Variants in TTN observed in about 807,000 individuals in gnomAD.
TTN encodes connectin.
A neutral mutation model predicts 3,223.0 loss-of-function variants in TTN; 1,525 were observed. The ratio of observed to expected loss-of-function variants is 0.47; its 90% CI spans 0.45 to 0.49. The LOEUF is 0.49. Among genes scored for constraint, TTN ranks in the 20% least tolerant of loss-of-function variants. TTN has a pLI of 0.00. For missense variants in TTN, 40,786 were observed against 43,424.0 expected (o/e 0.94, Z 5.40); for synonymous variants, 14,094 against 15,161.0 (o/e 0.93, Z 5.17).
At position 178,607,632 on chromosome 2, in the gene TTN, C is replaced by A. The variant is rs1576364760; in HGVS notation, c.53056G>T (p.Ala17686Ser). 3 of 1,613,070 alleles carry A rather than the reference C, an allele frequency of 1.9e-6. No individual in the cohort carries two copies. The highest frequency in any genetic ancestry group is 2.2e-5 in the East Asian group (1 of 44,748). Residue 17686 changes from alanine to serine, a missense_variant, in exon 277 of 363, where the codon GCT (alanine) becomes TCT (serine). By Grantham distance (99) the Ala-to-Ser change is moderately conservative. Coordinates refer to ENST00000589042, the MANE Select transcript of TTN (RefSeq NM_001267550.2). The stretch of plus-strand genomic sequence containing the variant: ...GCTGGAATTCTAAGAGTCTTCCCAG[C>A]CATTATTTGTATTCCACCCTTGACA... ...VSVKGGIQIMAGKTLRIPAVV... is the reference protein window; with the variant it reads ...VSVKGGIQIMSGKTLRIPAVV...
chr2:178,646,104 T>TTTTTTA (rs1188641505), intron 216 of TTN, 74 bp from the exon 217 acceptor site: 1 of 37,646 alleles, frequency 2.7e-5, no homozygotes, highest in African/African-American at 8.7e-5. Flanking sequence ...TTAATAGAAA[T>TTTTTTA]TATATATATA....
At chr2:178,805,301 G>A (rs1156660403) in intron 1 of TTN, among the ~76,000 whole-genome samples, 1 of 139,796 alleles carries the variant, frequency 7.2e-6, no homozygotes, top group Non-Finnish European at 1.5e-5. Context: ...CAAAGATGGT[G>A]CCACCACACT....
Position 178,557,033 on chromosome 2 carries a change from C to T in TTN, c.88121G>A (p.Arg29374Lys), listed in dbSNP as rs878969198. 3.7e-6 allele frequency: 6 copies of T among 1,613,694 alleles called. No individual in the cohort carries two copies. Among genetic ancestry groups the T allele is most frequent in the Non-Finnish European group, 5.1e-6 (6 of 1,179,842 alleles). The stretch of plus-strand genomic sequence containing the variant: ...CCATCTGCCATCTGGAAGGTCACGT[C>T]TCTCAACAATGTAGCCTGTAATCTT... Reference protein sequence around the residue: ...GSKITGYIVERRDLPDGRWTK... With the variant: ...GSKITGYIVEKRDLPDGRWTK... The change falls in exon 330 of 363, where the codon AGA (arginine) becomes AAA (lysine). Residue 29374 changes from arginine to lysine, a missense_variant. Physicochemically the swap from Arg to Lys is conservative, Grantham distance 26. Coordinates refer to ENST00000589042, the MANE Select transcript of TTN (RefSeq NM_001267550.2).
In TTN at chr2:178,564,257, G is replaced by C; in HGVS notation, c.81875C>G (p.Thr27292Ser). 1.9e-6 allele frequency: 3 copies of C among 1,613,238 alleles called. No homozygotes were observed. The highest frequency in any genetic ancestry group is 3.3e-4 in the Middle Eastern group (2 of 6,062). The change falls in exon 326 of 363, where the codon ACT becomes AGT. Residue 27292 changes from threonine (T) to serine (S), a missense_variant. Physicochemically the swap from Thr to Ser is moderately conservative, Grantham distance 58 (BLOSUM62 1). Coordinates refer to ENST00000589042, the MANE Select transcript of TTN (RefSeq NM_001267550.2). ...KDVIVVHAGE[T>S]FVLEADIRGK... The stretch of plus-strand genomic sequence containing the variant: ...ACGGATGTCGGCTTCAAGAACAAAA[G>C]TCTCTCCTGCATGAACAACGATGAC...
Position 178,634,054 on chromosome 2 carries a change from C to G in TTN, c.42445G>C (p.Glu14149Gln). The G allele has an allele frequency of 6.2e-7, 1 of 1,612,998 alleles. No homozygotes were observed. Among genetic ancestry groups the G allele is most frequent in the Non-Finnish European group, 8.5e-7 (1 of 1,179,414 alleles). Residue 14149 changes from glutamate (E) to glutamine (Q), a missense_variant, in exon 231 of 363, where the codon GAA (glutamate) becomes CAA (glutamine). Physicochemically the swap from Glu to Gln is conservative, Grantham distance 29 (BLOSUM62 2). Coordinates refer to ENST00000589042, the MANE Select transcript of TTN (RefSeq NM_001267550.2). The surrounding 1 kb of genome is among the most constrained non-coding windows in gnomAD (Gnocchi z 4.6). The part of the protein sequence containing the change: ...GIRLKFMSPL[E>Q]DQTVKEGETA... ...TCACCTTCTTTTACTGTTTGATCTT[C>G]AAGAGGTGACATGAATTTCAGTCTT... is the stretch of plus-strand genomic sequence containing the variant.
chr2:178,664,486 T>G lies in TTN; in HGVS notation c.36254A>C (p.Gln12085Pro). The change falls in exon 168 of 363, where the codon CAA becomes CCA. Residue 12085 changes from glutamine to proline, a missense_variant. Coordinates refer to ENST00000589042, the MANE Select transcript of TTN (RefSeq NM_001267550.2). ...TTTGACAGGTACAACTTCAGCCCTT[T>G]GGGGAGGATGCACTTTCTTTTCCGG... ...VVPEKKVHPPQRAEVVPVKVH... is the reference protein window; with the variant it reads ...VVPEKKVHPPPRAEVVPVKVH... The G allele has an allele frequency of 6.2e-7, 1 of 1,612,308 alleles. No homozygotes were observed. Among genetic ancestry groups the G allele is most frequent in the South Asian group, 1.1e-5 (1 of 91,040 alleles).
Position 178,609,953 on chromosome 2 carries a change from T to C in TTN, c.51470A>G (p.His17157Arg). ...PPDPPVDVEVHNPTAEAMTIT... is the reference protein window; with the variant it reads ...PPDPPVDVEVRNPTAEAMTIT... ...AGTCATTGCCTCCGCTGTAGGATTATGAACCTCTACATCTACAGGTGGATC... is the reference window on the plus strand; with the variant it reads ...AGTCATTGCCTCCGCTGTAGGATTACGAACCTCTACATCTACAGGTGGATC... Residue 17157 changes from histidine (H) to arginine (R), a missense_variant, in exon 272 of 363, where the codon CAT becomes CGT. Physicochemically the swap from His to Arg is conservative, Grantham distance 29. Transcript: ENST00000589042. 1.2e-6 allele frequency: 2 copies of C among 1,612,682 alleles called. No individual in the cohort carries two copies. The highest frequency in any genetic ancestry group is 2.7e-5 in the African/African-American group (2 of 74,956).
In TTN at chr2:178,789,429, T is replaced by C; in HGVS notation, c.2007A>G (p.Gln669=). Residue 669 remains glutamine (Q), a synonymous_variant, in exon 13 of 363, where the codon CAA becomes CAG. Transcript: ENST00000589042. ...TTTCTCTAGTTCTCAGTATTGTTTC[T>C]TGTTCTTTGGCTTTAGCAGTAGCAA... ...IAVATAKAKE[Q]ETILRTRETM... 6 of 1,613,612 alleles carry C rather than the reference T, an allele frequency of 3.7e-6. No homozygotes were observed. The highest frequency in any genetic ancestry group is 5.1e-6 in the Non-Finnish European group (6 of 1,179,598).
chr2:178,529,337 G>A (rs1688001412), intron 359 of TTN, 118 bp from the exon 360 acceptor site: 2 of 732,076 alleles, frequency 2.7e-6, no homozygotes, highest in Admixed American at 7.0e-5. Flanking sequence ...TTCATGCAAT[G>A]TAGGTAATAC....
At position 178,605,702 on chromosome 2, in the gene TTN, A is replaced by C. The variant is rs756689912; in HGVS notation, c.53593T>G (p.Ser17865Ala). The C allele has an allele frequency of 6.5e-7, 1 of 1,537,246 alleles. No homozygotes were observed. Among genetic ancestry groups the C allele is most frequent in the Admixed American group, 1.9e-5 (1 of 51,730 alleles). The change falls in exon 279 of 363, where the codon TCT (serine) becomes GCT (alanine). Residue 17865 changes from serine to alanine, a missense_variant. Coordinates refer to ENST00000589042, the MANE Select transcript of TTN (RefSeq NM_001267550.2). ...TCAGTGTATGTGAGCCTCTCTGGAG[A>C]TGTTGGAGGACCTTTAGCCAGAGGC... is the stretch of plus-strand genomic sequence containing the variant. ...LAVDPLGPPTSPERLTYTERT... is the reference protein window; with the variant it reads ...LAVDPLGPPTAPERLTYTERT...
In TTN at chr2:178,702,252, T is replaced by A; in HGVS notation, c.30434-7A>T. On this transcript the variant is annotated splice_polypyrimidine_tract_variant and splice_region_variant and intron_variant, in intron 107 of 362. Coordinates refer to ENST00000589042, the MANE Select transcript of TTN (RefSeq NM_001267550.2). Reference sequence around the variant, plus strand: ...GCGATGACCGAGTAGACACCTAGGGTGAAAAATCATCCAACTTTTGTTTTC... The same window carrying A: ...GCGATGACCGAGTAGACACCTAGGGAGAAAAATCATCCAACTTTTGTTTTC... 1 of 1,613,870 alleles carries A rather than the reference T, an allele frequency of 6.2e-7. No homozygotes were observed. Among genetic ancestry groups the A allele is most frequent in the Non-Finnish European group, 8.5e-7 (1 of 1,179,858 alleles).
rs770523023 is a variant in TTN at position 178,561,989 on chromosome 2, A to G, written c.84143T>C (p.Ile28048Thr). Reference protein sequence around the residue: ...SNSAGSITVPITIIVLDRPGP... With the variant: ...SNSAGSITVPTTIIVLDRPGP... ...TGGTCTGTCAAGGACAATTATAGTA[A>G]TAGGAACTGTTATGGATCCAGCACT... The change falls in exon 326 of 363, where the codon ATT (isoleucine) becomes ACT (threonine). Residue 28048 changes from isoleucine (I) to threonine (T), a missense_variant. Transcript: ENST00000589042. 1.9e-6 allele frequency: 3 copies of G among 1,613,320 alleles called. No homozygotes were observed. The highest frequency in any genetic ancestry group is 2.7e-5 in the African/African-American group (2 of 74,906).
chr2:178,544,250 C>G lies in TTN; in HGVS notation c.95979G>C (p.Met31993Ile), dbSNP rs749913152. The change falls in exon 345 of 363, where the codon ATG becomes ATC. Residue 31993 changes from methionine to isoleucine, a missense_variant. By Grantham distance (10) the Met-to-Ile change is conservative. Coordinates refer to ENST00000589042, the MANE Select transcript of TTN (RefSeq NM_001267550.2). ...CAGCAATTGATTCGCTGTATTCGCTCATACCCTTCACGTTCACGGCAGCAA... is the reference window on the plus strand; with the variant it reads ...CAGCAATTGATTCGCTGTATTCGCTGATACCCTTCACGTTCACGGCAGCAA... Reference protein sequence around the residue: ...FRVAAVNVKGMSEYSESIAEI... With the variant: ...FRVAAVNVKGISEYSESIAEI... 3 of 1,613,800 alleles carry G rather than the reference C, an allele frequency of 1.9e-6. No homozygotes were observed. Among genetic ancestry groups the G allele is most frequent in the Non-Finnish European group, 1.7e-6 (2 of 1,179,754 alleles).
At chr2:178,801,297 A>G (rs1051301485) in intron 3 of TTN, among the ~76,000 whole-genome samples, 5 of 152,200 alleles carry the variant, frequency 3.3e-5, no homozygotes, top group East Asian at 3.8e-4. Context: ...GAAATTTTTT[A>G]TAAGTGTGAG....
rs794729437 is a variant in TTN at position 178,621,486 on chromosome 2, A to G, written c.45338T>C (p.Val15113Ala). ...TGTAGTTTTCATACCATGTACTTTG[A>G]CTTTGCCATCGGTTCGAGAGCTTGG... ...RLPSSRTDGK[V>A]KVHELAAEFI... Residue 15113 changes from valine (V) to alanine (A), a missense_variant, in exon 245 of 363, where the codon GTC becomes GCC. Transcript: ENST00000589042. 3 of 1,612,140 alleles carry G rather than the reference A, an allele frequency of 1.9e-6. No individual in the cohort carries two copies. The highest frequency in any genetic ancestry group is 2.5e-6 in the Non-Finnish European group (3 of 1,179,038).
In TTN at chr2:178,719,754, G is replaced by C; in HGVS notation, c.23738C>G (p.Thr7913Ser). 1 of 1,613,648 alleles carries C rather than the reference G, an allele frequency of 6.2e-7. No homozygotes were observed. The highest frequency in any genetic ancestry group is 8.5e-7 in the Non-Finnish European group (1 of 1,179,688). The change falls in exon 82 of 363, where the codon ACT becomes AGT. Residue 7913 changes from threonine to serine, a missense_variant. Thr to Ser is a moderately conservative substitution (Grantham distance 58). Transcript: ENST00000589042. ...GNPFALECVVTGTPELSAKWF... is the reference protein window; with the variant it reads ...GNPFALECVVSGTPELSAKWF... ...CTTGGCTGAGAGTTCTGGTGTTCCA[G>C]TCACTACACACTCTAATGCAAAAGG...
chr2:178,728,932 T>C lies in TTN; in HGVS notation c.19106A>G (p.Glu6369Gly). Residue 6369 changes from glutamate (E) to glycine (G), a missense_variant, in exon 65 of 363, where the codon GAG (glutamate) becomes GGG (glycine). Transcript: ENST00000589042. ...SGRYTCQAKN[E>G]SGVERCYAFL... is the part of the protein sequence containing the mutation. ...AGCATAACACCTCTCAACTCCTGACTCATTCTTGGCTTGACAGGTATATCT... is the reference window on the plus strand; with the variant it reads ...AGCATAACACCTCTCAACTCCTGACCCATTCTTGGCTTGACAGGTATATCT... 1 of 1,611,258 alleles carries C rather than the reference T, an allele frequency of 6.2e-7. No individual in the cohort carries two copies. The highest frequency in any genetic ancestry group is 1.3e-5 in the African/African-American group (1 of 74,994).
intron 168 of TTN, 139 bp from the exon 169 acceptor site, chr2:178,664,237 T>A: frequency 1.1e-6 from 1 of 929,334 alleles, no homozygotes; most frequent in Non-Finnish European, 1.6e-6. Context: ...ATAGGTGGTG[T>A]TTCAGGTTTT....
chr2:178,695,217 A>G (rs2073422485), intron 115 of TTN, 131 bp downstream of exon 115: 3 of 627,374 alleles, frequency 4.8e-6, no homozygotes, highest in East Asian at 2.9e-5. Context: ...AGAAAAAAAA[A>G]TCATTCACAA....
Sources: gnomAD v4.1 joint callset for allele counts (sites outside exome capture counted in the v4.1 genomes callset) on GRCh38, gnomAD v4.1.1 for gene constraint, Gnocchi (gnomAD v3.1) non-coding constraint, MANE v1.5 for transcripts, NCBI Gene and HGNC (gene_info 2026-07-23, HGNC 2026-07-21) for gene names.